SAMM50: variants seen among roughly 807,000 people sequenced by gnomAD.
SAMM50 encodes the protein SAMM50 sorting and assembly machinery component.
Under a neutral mutation model 66.9 loss-of-function variants are expected in SAMM50, and 47 were observed. The observed-to-expected ratio is 0.70, with a 90% CI of 0.56 to 0.90. The LOEUF (loss-of-function observed/expected upper bound fraction) is 0.90. SAMM50 is among the 40% of genes least tolerant of loss of function. The pLI is 0.00. For synonymous variants in SAMM50, 191 were observed against 214.1 expected, an observed-to-expected ratio of 0.89 and a Z score of 0.94; for missense variants, 535 against 595.3, an observed-to-expected ratio of 0.90 and a Z score of 1.05.
intron 12 of SAMM50, 125 bp downstream of exon 12, chr22:43,984,125 T>A: frequency 1.3e-6 from 1 of 764,742 alleles, no homozygotes; most frequent in Non-Finnish European, 2.1e-6. Context: ...AATTAGCACC[T>A]AACACAGAAC....
chr22:43,984,037 G>T (rs745961051), intron 12 of SAMM50, 37 bp downstream of exon 12: 4 of 1,571,794 alleles, frequency 2.5e-6, no homozygotes, highest in Non-Finnish European at 3.5e-6. Context: ...AGTCTAGAAG[G>T]CTCGCGTCTC....
intron 1 of SAMM50, chr22:43,956,973 T>G (rs2146802586): frequency 3.1e-6 from 2 of 639,374 alleles, no homozygotes; most frequent in Non-Finnish European, 5.6e-6. Flanking sequence ...GAGCTCTTCC[T>G]GCCATCTTGG....
Position 43,977,871 on chromosome 22 carries a change from G to T in SAMM50, c.850-1G>T. 1 of 1,612,446 alleles carries T rather than the reference G, an allele frequency of 6.2e-7. No homozygotes were observed. On this transcript the variant is annotated splice_acceptor_variant, in intron 9 of 14. Coordinates refer to ENST00000350028, the MANE Select transcript of SAMM50 (RefSeq NM_015380.5). LOFTEE classifies it high-confidence loss of function. ...TTGACCTGAGTGCTCCTTCCCTGCA[G>T]GAACTGGCAGGCTACACTGGCGGGG...
At position 43,996,464 on chromosome 22, in the gene SAMM50, G is replaced by A; in HGVS notation, c.*81G>A. ...CACACACCGTCTCTCGAGGAAACGCGGTTCAGCGATTCTTTGACTGCGGAC... is the reference window on the plus strand; with the variant it reads ...CACACACCGTCTCTCGAGGAAACGCAGTTCAGCGATTCTTTGACTGCGGAC... On this transcript the variant is annotated 3_prime_UTR_variant, in exon 15 of 15. Coordinates refer to ENST00000350028, the MANE Select transcript of SAMM50 (RefSeq NM_015380.5). 7.5e-7 allele frequency: 1 copy of A among 1,339,476 alleles called. No individual in the cohort carries two copies. 83.0% of individuals were successfully genotyped at this position (1,339,476 alleles called of 1,614,324 possible).
chr22:43,963,132 TTTTTACTCCC>T, intron 1 of SAMM50, 144 bp from the exon 2 acceptor site: 1 of 500,446 alleles, frequency 2.0e-6, no homozygotes, highest in Non-Finnish European at 3.6e-6. Context: ...TGACGGCACC[TTTTTACTCCC>T]TGGTCCCTAT....
chr22:43,972,347 G>T lies in SAMM50; in HGVS notation c.429+5G>T. ...GGAAACAATGAAGGCAGTATGGTAT[G>T]CTACAGGCTTTTTACTTTCTTATAT... is the stretch of plus-strand genomic sequence containing the variant. On this transcript the variant is annotated splice_donor_5th_base_variant and intron_variant, in intron 5 of 14. Coordinates refer to ENST00000350028, the MANE Select transcript of SAMM50 (RefSeq NM_015380.5). The T allele has an allele frequency of 6.6e-7, 1 of 1,510,626 alleles. No individual in the cohort carries two copies. The highest frequency in any genetic ancestry group is 9.0e-7 in the Non-Finnish European group (1 of 1,115,786). 93.6% of individuals were successfully genotyped at this position (1,510,626 alleles called of 1,614,324 possible). A position where few individuals can be genotyped will look rare whatever the true frequency, so the allele number is the denominator to read the frequency against.
At chr22:43,959,755 T>A in intron 1 of SAMM50, among the ~76,000 whole-genome samples, 1 of 152,134 alleles carries the variant, frequency 6.6e-6, no homozygotes, top group East Asian at 1.9e-4. Context: ...ATGTACATTC[T>A]ATGAGGGTGA....
Position 43,989,100 on chromosome 22 carries a change from C to T in SAMM50, c.1076-11C>T, listed in dbSNP as rs758528826. ...GACCTTGTTTTTGTTCTGCACCCCTCCTTTGCTTAGGAGACTACCTAGGTG... is the reference window on the plus strand; with the variant it reads ...GACCTTGTTTTTGTTCTGCACCCCTTCTTTGCTTAGGAGACTACCTAGGTG... On this transcript the variant is annotated splice_polypyrimidine_tract_variant and intron_variant, in intron 12 of 14. Transcript: ENST00000350028. 6.2e-7 allele frequency: 1 copy of T among 1,608,358 alleles called. No homozygotes were observed. The highest frequency in any genetic ancestry group is 8.5e-7 in the Non-Finnish European group (1 of 1,177,950).
chr22:43,975,371 A>G (rs1416394443), intron 7 of SAMM50: 1 of 152,256 alleles, frequency 6.6e-6, no homozygotes, highest in Admixed American at 6.5e-5. Context: ...GTATGGGGTG[A>G]CGTGGCTTCC....
intron 14 of SAMM50, among the ~76,000 whole-genome samples, chr22:43,992,173 A>G (rs1482152032): frequency 6.6e-6 from 1 of 152,172 alleles, no homozygotes; most frequent in Non-Finnish European, 1.5e-5. Flanking sequence ...ATGCTGTATC[A>G]TTTTTACTCT....
chr22:43,970,576 G>A (rs1225402469), intron 4 of SAMM50, among the ~76,000 whole-genome samples: 1 of 152,198 alleles, frequency 6.6e-6, no homozygotes, highest in Non-Finnish European at 1.5e-5. Context: ...GGGAGGCTGG[G>A]AAGTCACTGG....
chr22:43,970,545 C>T (rs1270190960), intron 4 of SAMM50, among the ~76,000 whole-genome samples: 1 of 152,186 alleles, frequency 6.6e-6, no homozygotes, highest in Non-Finnish European at 1.5e-5. Context: ...GACTTAATCA[C>T]TTGGCCACAC....
Position 43,955,454 on chromosome 22 carries a change from C to T in SAMM50, c.-124C>T. The stretch of plus-strand genomic sequence containing the variant: ...CATGGCCGCCCCCAGTGTTCCGCGT[C>T]CGGGGGTTTGTGGGAGTTGCCTTGA... On this transcript the variant is annotated 5_prime_UTR_variant, in exon 1 of 15. Transcript: ENST00000350028. 3 of 1,144,532 alleles carry T rather than the reference C, an allele frequency of 2.6e-6. No homozygotes were observed. Among genetic ancestry groups the T allele is most frequent in the Non-Finnish European group, 3.8e-6 (3 of 788,124 alleles). 70.9% of individuals were successfully genotyped at this position (1,144,532 alleles called of 1,614,324 possible).
chr22:43,982,406 G>A (rs1006937609), intron 11 of SAMM50, among the ~76,000 whole-genome samples: 4 of 152,180 alleles, frequency 2.6e-5, no homozygotes, highest in African/African-American at 9.7e-5. Context: ...TTAAAAATAA[G>A]GAGATATGTG....
rs368695239 is a variant in SAMM50 at position 43,977,972 on chromosome 22, G to A, written c.936+14G>A. 20 of 1,561,686 alleles carry A rather than the reference G, an allele frequency of 1.3e-5. No individual in the cohort carries two copies. The highest frequency in any genetic ancestry group is 1.1e-4 in the East Asian group (5 of 44,538). Reference sequence around the variant, plus strand: ...ATATTTGATTCAGTGAGTATCTAACGGATGCTGGCACCTGCACTGTCAGCC... The same window carrying A: ...ATATTTGATTCAGTGAGTATCTAACAGATGCTGGCACCTGCACTGTCAGCC... On this transcript the variant is annotated intron_variant, in intron 10 of 14. Transcript: ENST00000350028.
At chr22:43,957,230 G>T in intron 1 of SAMM50, 2 of 669,560 alleles carry the variant, frequency 3.0e-6, no homozygotes, top group East Asian at 5.2e-5. Context: ...GTAATCTGGG[G>T]AAAGGTAACT....
intron 1 of SAMM50, among the ~76,000 whole-genome samples, chr22:43,961,959 C>T (rs1426942893): frequency 6.6e-6 from 1 of 152,064 alleles, no homozygotes; most frequent in Non-Finnish European, 1.5e-5. Context: ...AGGCTGGTCT[C>T]AAACTCCTAG....
rs1324761192 is a variant in SAMM50 at position 43,968,809 on chromosome 22, A to G, written c.313A>G (p.Thr105Ala). ...IFRQVDVLID[T>A]CQGDDALPNG... ...TAGACAAGTGGATGTTTTGATTGAC[A>G]CATGTCAAGGTACATATTGTGGTGT... Residue 105 changes from threonine to alanine, a missense_variant, in exon 4 of 15, where the codon ACA becomes GCA. Thr to Ala is a moderately conservative substitution (Grantham distance 58). Transcript: ENST00000350028. The G allele has an allele frequency of 6.2e-7, 1 of 1,608,806 alleles. No homozygotes were observed. The highest frequency in any genetic ancestry group is 8.5e-7 in the Non-Finnish European group (1 of 1,175,230).
intron 1 of SAMM50, among the ~76,000 whole-genome samples, chr22:43,959,507 T>TACACACACACACACACACACACAC (rs138315774): frequency 1.4e-5 from 2 of 138,492 alleles, no homozygotes; most frequent in Non-Finnish European, 1.5e-5. Flanking sequence ...TTTTTTATAT[T>TACACACACACACACACACACACAC]ACACACACAC....
Sources: gnomAD v4.1 joint callset for allele counts (sites outside exome capture counted in the v4.1 genomes callset) on GRCh38, gnomAD v4.1.1 for gene constraint, MANE v1.5 for transcripts, NCBI Gene and HGNC (gene_info 2026-07-23, HGNC 2026-07-21) for gene names.